Variants in FGGY observed in about 807,000 individuals in gnomAD.
FGGY encodes the protein FGGY carbohydrate kinase domain-containing protein.
A neutral mutation model predicts 71.3 loss-of-function variants in FGGY; 72 were observed. The ratio of observed to expected loss-of-function variants is 1.01; its 90% CI spans 0.84 to 1.23. FGGY has a LOEUF of 1.23. Among genes scored for constraint, FGGY ranks in the 50% most tolerant of loss-of-function variants. FGGY has a pLI of 0.00. For missense variants in FGGY, 668 were observed against 682.3 expected (o/e 0.98, Z 0.23); for synonymous variants, 251 against 250.3 (o/e 1.00, Z -0.02).
intron 8 of FGGY, among the ~76,000 whole-genome samples, chr1:59,591,019 T>C (rs1295425924): frequency 1.3e-5 from 2 of 152,214 alleles, no homozygotes; most frequent in Non-Finnish European, 2.9e-5. Flanking sequence ...GCAGATGACG[T>C]GATTGTATAT....
At chr1:59,602,588 G>C (rs2096588412) in intron 8 of FGGY, among the ~76,000 whole-genome samples, 1 of 152,108 alleles carries the variant, frequency 6.6e-6, no homozygotes, top group Non-Finnish European at 1.5e-5. Flanking sequence ...GTAAAATGCA[G>C]AACTTTATAT....
intron 3 of FGGY, among the ~76,000 whole-genome samples, chr1:59,343,846 G>T (rs1036033978): frequency 6.6e-6 from 1 of 152,102 alleles, no homozygotes; most frequent in Non-Finnish European, 1.5e-5. Context: ...TAGCTGATTG[G>T]TCTGTCTTTA....
intron 8 of FGGY, among the ~76,000 whole-genome samples, chr1:59,558,191 C>G (rs762904271): frequency 6.6e-6 from 1 of 152,014 alleles, no homozygotes; most frequent in African/African-American, 2.4e-5. Context: ...TGGCACTGTA[C>G]CTGGCACAAA....
At chr1:59,468,835 GCACTC>G (rs934753352) in intron 6 of FGGY, among the ~76,000 whole-genome samples, 1 of 146,066 alleles carries the variant, frequency 6.8e-6, no homozygotes, top group African/African-American at 2.6e-5. Context: ...TTGCACCACT[GCACTC>G]CAGTCTGCTC....
intron 9 of FGGY, among the ~76,000 whole-genome samples, chr1:59,625,540 T>C (rs1014875591): frequency 6.6e-6 from 1 of 152,182 alleles, no homozygotes; most frequent in South Asian, 2.1e-4. Flanking sequence ...TTCATTCAGC[T>C]TCTCCATTAG....
chr1:59,445,169 G>C (rs912255520), intron 5 of FGGY, among the ~76,000 whole-genome samples: 1 of 152,134 alleles, frequency 6.6e-6, no homozygotes, highest in Non-Finnish European at 1.5e-5. Flanking sequence ...GAAATAAATG[G>C]CTCTTTTGCT....
intron 4 of FGGY, among the ~76,000 whole-genome samples, chr1:59,348,764 C>A (rs1028171546): frequency 1.3e-5 from 2 of 152,136 alleles, no homozygotes; most frequent in Admixed American, 1.3e-4. Flanking sequence ...GGCTTTTTAG[C>A]TATTTTATAT....
rs1275666743 is a variant in FGGY, at chr1:59,641,152, G to C, written c.1221+2777G>C. On this transcript the variant is annotated intron_variant, in intron 11 of 15. Coordinates refer to ENST00000303721, the MANE Select transcript of FGGY (RefSeq NM_018291.5). Reference sequence around the variant, plus strand: ...GAATCATAGTATGTGCAGTATTCTAGAGGGAAGAGAGCATGGCATGTGAAT... The same window carrying C: ...GAATCATAGTATGTGCAGTATTCTACAGGGAAGAGAGCATGGCATGTGAAT... The C allele has an allele frequency of 6.1e-6, 4 of 653,430 alleles. No individual in the cohort carries two copies. In the Admixed American group the frequency reaches 7.2e-5, roughly 12 times the overall value. The allele number at this position is 653,430 out of a possible 1,614,324, so 40.5% of individuals were successfully genotyped here.
chr1:59,545,819 T>A lies in FGGY; in HGVS notation c.800-8305T>A, dbSNP rs568524655. Among the ~76,000 whole-genome samples the A allele has an allele frequency of 2.0e-5, 3 of 152,340 alleles. No individual in the cohort carries two copies. The East Asian group carries it at 5.8e-4, about 29-fold the overall frequency. Reference sequence around the variant, plus strand: ...TGATGAATGCCATCCCAAGTTAAACTGCAGTATGCATGGTGCTACATGTAA... The same window carrying A: ...TGATGAATGCCATCCCAAGTTAAACAGCAGTATGCATGGTGCTACATGTAA... On this transcript the variant is annotated intron_variant, in intron 7 of 15. Transcript: ENST00000303721.
chr1:59,380,645 GTTTTTC>G (rs1279498315), intron 5 of FGGY, among the ~76,000 whole-genome samples: 3 of 147,806 alleles, frequency 2.0e-5, no homozygotes. Flanking sequence ...ATGGGGTTGT[GTTTTTC>G]TTGTAAATTT....
intron 5 of FGGY, among the ~76,000 whole-genome samples, chr1:59,440,253 A>C (rs915073535): frequency 6.6e-6 from 1 of 152,010 alleles, no homozygotes; most frequent in African/African-American, 2.4e-5. Context: ...GAACATGTAC[A>C]CTCCAAGTGC....
intron 8 of FGGY, among the ~76,000 whole-genome samples, chr1:59,578,273 A>G (rs1452624381): frequency 6.6e-6 from 1 of 152,136 alleles, no homozygotes; most frequent in African/African-American, 2.4e-5. Context: ...GAAGGCCAGG[A>G]CTGAAAGGGA....
At chr1:59,443,619 A>G (rs74084817) in intron 5 of FGGY, among the ~76,000 whole-genome samples, 2,249 of 152,332 alleles carry the variant, frequency 0.015, 59 homozygotes, top group African/African-American at 0.052. Context: ...ATGTTGGAAG[A>G]TAAGGATTAT....
chr1:59,432,194 G>A (rs72664576), intron 5 of FGGY, among the ~76,000 whole-genome samples: 23,677 of 152,092 alleles, frequency 0.16, 2,045 homozygotes, highest in Non-Finnish European at 0.2. Context: ...GGGCATGAAA[G>A]CTCCCCACCC....
intron 6 of FGGY, among the ~76,000 whole-genome samples, chr1:59,472,153 C>A (rs1410265425): frequency 6.6e-6 from 1 of 152,214 alleles, no homozygotes; most frequent in East Asian, 1.9e-4. Flanking sequence ...GGAACCGGGG[C>A]TGCGCGCAGT....
chr1:59,707,014 A>G (rs1256456945), intron 14 of FGGY, among the ~76,000 whole-genome samples: 1 of 152,182 alleles, frequency 6.6e-6, no homozygotes, highest in Non-Finnish European at 1.5e-5. Context: ...TGCCCTCTCC[A>G]ACTCTGGGGA....
At chr1:59,519,640 A>C (rs1292867996) in intron 7 of FGGY, among the ~76,000 whole-genome samples, 1 of 152,238 alleles carries the variant, frequency 6.6e-6, no homozygotes, top group Non-Finnish European at 1.5e-5. Context: ...TAATTAGAAC[A>C]AATACAACCA....
intron 11 of FGGY, among the ~76,000 whole-genome samples, chr1:59,645,213 A>C (rs1015737231): frequency 1.9e-4 from 29 of 152,172 alleles, no homozygotes; most frequent in African/African-American, 7.0e-4. Context: ...GCTCATGAGG[A>C]AGCAGGAGTG....
At position 59,449,353 on chromosome 1, in the gene FGGY, G is replaced by A. The variant is rs1007648691; in HGVS notation, c.555-7608G>A. ...GGCTGGAGTGCAATGGCACAATCTC[G>A]GCTCACTGCAACCTCCACCTTCCAG... is the stretch of plus-strand genomic sequence containing the variant. On this transcript the variant is annotated intron_variant, in intron 5 of 15. Transcript: ENST00000303721. Among the ~76,000 whole-genome samples, 11 of 152,138 alleles carry A rather than the reference G, an allele frequency of 7.2e-5. No homozygotes were observed. The Middle Eastern group carries it at 0.017, about 235-fold the overall frequency.
Sources: gnomAD v4.1 joint callset for allele counts (sites outside exome capture counted in the v4.1 genomes callset) on GRCh38, gnomAD v4.1.1 for gene constraint, MANE v1.5 for transcripts, NCBI Gene and HGNC (gene_info 2026-07-23, HGNC 2026-07-21) for gene names.